The following CFAP299 variants were observed in gnomAD, a reference collection of about 807,000 sequenced individuals.
The protein encoded by CFAP299 is cilia and flagella associated protein 299, also known as cilia- and flagella-associated protein 299.
A neutral mutation model predicts 27.0 loss-of-function variants in CFAP299; 21 were observed. The ratio of observed to expected loss-of-function variants is 0.78; its 90% CI spans 0.55 to 1.12. CFAP299 has a LOEUF of 1.12. CFAP299 is among the 50% of genes most tolerant of loss of function. The probability of loss-of-function intolerance (pLI) is 0.00; values close to 1 mark genes in which losing one functional copy is unlikely to be tolerated. For missense variants in CFAP299, 310 were observed against 276.6 expected (o/e 1.12, Z -0.86); for synonymous variants, 104 against 98.1 (o/e 1.06, Z -0.36).
At chr4:80,352,816 G>A (rs568282607) in intron 1 of CFAP299, among the ~76,000 whole-genome samples, 3 of 151,530 alleles carry the variant, frequency 2.0e-5, no homozygotes, top group South Asian at 2.1e-4. Context: ...TCTAAATAAC[G>A]CAATGTCAAA....
the CFAP299 span, among the ~76,000 whole-genome samples, chr4:80,326,663 A>T: frequency 6.6e-6 from 1 of 152,156 alleles, no homozygotes; most frequent in Non-Finnish European, 1.5e-5. Context: ...TTGAGGCACT[A>T]AGTGCTTTGT....
At chr4:80,626,140 G>A (rs182582234) in intron 3 of CFAP299, among the ~76,000 whole-genome samples, 27 of 151,936 alleles carry the variant, frequency 1.8e-4, no homozygotes, top group African/African-American at 6.5e-4. Flanking sequence ...TATATGTTAG[G>A]CCACAAAGCA....
chr4:80,379,158 GT>G (rs1440157078), intron 2 of CFAP299, among the ~76,000 whole-genome samples: 2 of 151,928 alleles, frequency 1.3e-5, no homozygotes, highest in Admixed American at 6.6e-5. Flanking sequence ...TTCAAAATAT[GT>G]TTGTAGTTTG....
At chr4:80,702,396 A>C (rs1223632426) in intron 3 of CFAP299, among the ~76,000 whole-genome samples, 1 of 151,904 alleles carries the variant, frequency 6.6e-6, no homozygotes, top group African/African-American at 2.4e-5. Flanking sequence ...TAAATAAATT[A>C]TCTCTCTGCT....
At chr4:80,934,917 A>G (rs1244651147) in intron 4 of CFAP299, among the ~76,000 whole-genome samples, 2 of 151,852 alleles carry the variant, frequency 1.3e-5, no homozygotes, top group Non-Finnish European at 2.9e-5. Flanking sequence ...CCTTCTGCTA[A>G]CTCTGAGTTT....
chr4:80,593,160 G>C lies in CFAP299; in HGVS notation c.333+9977G>C, dbSNP rs533718742. Among the ~76,000 whole-genome samples the C allele has an allele frequency of 2.0e-5, 3 of 152,266 alleles. No homozygotes were observed. In the East Asian group the frequency reaches 5.8e-4, roughly 29 times the overall value. Reference sequence around the variant, plus strand: ...GGTGCTATTCTTTGGACCAACTGTAGGTGTCTGACTCCGTTGTTGATCTCC... The same window carrying C: ...GGTGCTATTCTTTGGACCAACTGTACGTGTCTGACTCCGTTGTTGATCTCC... On this transcript the variant is annotated intron_variant, in intron 3 of 5. Coordinates refer to ENST00000358105, the MANE Select transcript of CFAP299 (RefSeq NM_152770.3).
rs190895427 is a variant in CFAP299 at position 80,850,642 on chromosome 4, G to A, written c.334-19351G>A. 1.9e-3 allele frequency among the ~76,000 whole-genome samples: 287 copies of A among 152,134 alleles called. 2 individuals are homozygous for A. Among genetic ancestry groups the A allele is most frequent in the African/African-American group, 6.6e-3 (273 of 41,560 alleles). ...GAATAATAGTTTGGTAGGACATCAT[G>A]AGCAATTCGCAATAGTAAAAAGGTT... On this transcript the variant is annotated intron_variant, in intron 3 of 5. Transcript: ENST00000358105.
At chr4:80,334,479 T>A (rs1208856918), upstream of CFAP299, among the ~76,000 whole-genome samples, 1 of 152,162 alleles carries the variant, frequency 6.6e-6, no homozygotes, top group Non-Finnish European at 1.5e-5. Flanking sequence ...AATTTCACCA[T>A]GTTGGCCAGT....
intron 3 of CFAP299, among the ~76,000 whole-genome samples, chr4:80,606,468 G>A (rs1256579817): frequency 6.6e-6 from 1 of 152,188 alleles, no homozygotes; most frequent in East Asian, 1.9e-4. Flanking sequence ...CTGGGAAGCA[G>A]AGGTTGCAGT....
chr4:80,499,067 CA>C (rs1202053433), intron 2 of CFAP299, among the ~76,000 whole-genome samples: 2 of 151,640 alleles, frequency 1.3e-5, no homozygotes, highest in African/African-American at 4.8e-5. Flanking sequence ...ACACAAAGAA[CA>C]GAACAATAGA....
intron 3 of CFAP299, among the ~76,000 whole-genome samples, chr4:80,731,128 C>T (rs1366079078): frequency 2.0e-5 from 3 of 152,170 alleles, no homozygotes; most frequent in Non-Finnish European, 2.9e-5. Context: ...AACCTACTTT[C>T]CATTTTGGAA....
intron 2 of CFAP299, among the ~76,000 whole-genome samples, chr4:80,564,004 A>G (rs907987363): frequency 1.3e-5 from 2 of 152,038 alleles, no homozygotes; most frequent in Admixed American, 6.6e-5. Flanking sequence ...CAAAACCTGA[A>G]CAGATCAATA....
At chr4:80,855,016 G>C (rs1578185347) in intron 3 of CFAP299, among the ~76,000 whole-genome samples, 1 of 151,980 alleles carries the variant, frequency 6.6e-6, no homozygotes, top group East Asian at 1.9e-4. Flanking sequence ...AAATACGATG[G>C]TTTAATGGAT....
intron 3 of CFAP299, among the ~76,000 whole-genome samples, chr4:80,824,067 A>T (rs767872056): frequency 3.9e-5 from 6 of 152,156 alleles, no homozygotes; most frequent in Non-Finnish European, 8.8e-5. Context: ...CATTATAAGC[A>T]TCAATGCAAA....
chr4:80,374,707 C>A (rs1202279311), intron 2 of CFAP299, among the ~76,000 whole-genome samples: 1 of 152,064 alleles, frequency 6.6e-6, no homozygotes. Context: ...CAAATCCTGG[C>A]TTGATCTTCA....
At chr4:80,525,355 T>C (rs2110179908) in intron 2 of CFAP299, among the ~76,000 whole-genome samples, 1 of 152,200 alleles carries the variant, frequency 6.6e-6, no homozygotes, top group Non-Finnish European at 1.5e-5. Context: ...CATCTTATCA[T>C]ATTTATCCAT....
At chr4:80,936,262 C>T (rs1736882392) in intron 4 of CFAP299, among the ~76,000 whole-genome samples, 1 of 151,996 alleles carries the variant, frequency 6.6e-6, no homozygotes, top group Admixed American at 6.6e-5. Context: ...ACAGAAATAC[C>T]ATTTGACCCA....
intron 4 of CFAP299, among the ~76,000 whole-genome samples, chr4:80,898,397 A>T (rs1189543750): frequency 6.6e-6 from 1 of 152,034 alleles, no homozygotes; most frequent in Non-Finnish European, 1.5e-5. Context: ...TCTAACATCC[A>T]AACTTAGTCT....
At chr4:80,490,339 C>A (rs1195105365) in intron 2 of CFAP299, among the ~76,000 whole-genome samples, 1 of 152,116 alleles carries the variant, frequency 6.6e-6, no homozygotes, top group East Asian at 1.9e-4. Context: ...GCAAAATAAT[C>A]AATTTAGTAA....
Sources: gnomAD v4.1 joint callset for allele counts (sites outside exome capture counted in the v4.1 genomes callset) on GRCh38, gnomAD v4.1.1 for gene constraint, MANE v1.5 for transcripts, NCBI Gene and HGNC (gene_info 2026-07-23, HGNC 2026-07-21) for gene names.